The following SLC9C1 variants were observed in gnomAD, a reference collection of about 807,000 sequenced individuals.
SLC9C1 encodes the protein solute carrier family 9 member C1.
In SLC9C1, 97 loss-of-function variants were observed where a neutral mutation model predicts 140.9. The ratio of observed to expected loss-of-function variants is 0.69; its 90% CI spans 0.58 to 0.82. The LOEUF is 0.82. SLC9C1 is among the 40% of genes least tolerant of loss of function. The probability of loss-of-function intolerance (pLI) is 0.00; values close to 1 mark genes in which losing one functional copy is unlikely to be tolerated. For synonymous variants in SLC9C1, 440 were observed against 442.6 expected, an observed-to-expected ratio of 0.99 and a Z score of 0.07; for missense variants, 1,340 against 1,389.3, an observed-to-expected ratio of 0.96 and a Z score of 0.56.
intron 11 of SLC9C1, among the ~76,000 whole-genome samples, chr3:112,240,346 A>G (rs555849399): frequency 6.6e-6 from 1 of 152,358 alleles, no homozygotes; most frequent in East Asian, 1.9e-4. Context: ...GGAAACAAAG[A>G]AACAGAGGTA....
intron 28 of SLC9C1, among the ~76,000 whole-genome samples, chr3:112,148,310 T>G (rs994188323): frequency 2.0e-5 from 3 of 152,198 alleles, no homozygotes; most frequent in African/African-American, 7.2e-5. Flanking sequence ...AGTGAAATCC[T>G]TTAGTGGTGT....
chr3:112,208,035 T>TCAAAATTTAAATCAC (rs2078103941), intron 16 of SLC9C1, 143 bp downstream of exon 16: 2 of 575,580 alleles, frequency 3.5e-6, no homozygotes, highest in Non-Finnish European at 5.8e-6. Context: ...AAAATCACCT[T>TCAAAATTTAAATCAC]CAAAAATTAA....
At chr3:112,215,662 C>G (rs748197284) in intron 15 of SLC9C1, among the ~76,000 whole-genome samples, 41 of 152,206 alleles carry the variant, frequency 2.7e-4, no homozygotes, top group Non-Finnish European at 5.0e-4. Flanking sequence ...TGTGAAGGAC[C>G]TCTTCAAGAA....
chr3:112,285,898 C>T (rs1304502008), intron 2 of SLC9C1, among the ~76,000 whole-genome samples: 3 of 152,020 alleles, frequency 2.0e-5, no homozygotes, highest in Admixed American at 6.6e-5. Flanking sequence ...CCTGAGTAGG[C>T]GGGACTACTG....
At chr3:112,159,777 C>A (rs2075233862) in intron 26 of SLC9C1, among the ~76,000 whole-genome samples, 1 of 151,894 alleles carries the variant, frequency 6.6e-6, no homozygotes. Context: ...ATTGTTATAT[C>A]CTCTTGTTTA....
intron 12 of SLC9C1, among the ~76,000 whole-genome samples, chr3:112,235,624 C>T (rs1044369236): frequency 1.3e-5 from 2 of 151,908 alleles, no homozygotes; most frequent in Non-Finnish European, 2.9e-5. Flanking sequence ...TCATAGATAG[C>T]TCTTATTATT....
chr3:112,183,086 T>C (rs896895318), intron 20 of SLC9C1, among the ~76,000 whole-genome samples: 1 of 152,232 alleles, frequency 6.6e-6, no homozygotes, highest in East Asian at 1.9e-4. Context: ...GATGTACATA[T>C]TTCTATTGAG....
intron 28 of SLC9C1, among the ~76,000 whole-genome samples, chr3:112,144,174 CTTTT>C (rs138026716): frequency 1.4e-5 from 1 of 72,166 alleles, no homozygotes. Flanking sequence ...GATGCCCTGG[CTTTT>C]TTTTTTTTTT....
intron 17 of SLC9C1, among the ~76,000 whole-genome samples, 158 bp downstream of exon 17, chr3:112,204,060 T>C (rs2077977162): frequency 6.6e-6 from 1 of 152,002 alleles, no homozygotes; most frequent in Non-Finnish European, 1.5e-5. Flanking sequence ...TAATATGAAA[T>C]GTTATGAAAC....
chr3:112,262,514 G>A (rs2079802273), intron 10 of SLC9C1, among the ~76,000 whole-genome samples: 1 of 151,920 alleles, frequency 6.6e-6, no homozygotes, highest in Non-Finnish European at 1.5e-5. Context: ...GCTAAGCAGA[G>A]TTTGAGGGTA....
intron 10 of SLC9C1, among the ~76,000 whole-genome samples, chr3:112,254,554 T>C (rs776919519): frequency 5.3e-5 from 8 of 152,006 alleles, no homozygotes; most frequent in Non-Finnish European, 8.8e-5. Context: ...AAGGAGTTGG[T>C]TACCAACAGA....
intron 16 of SLC9C1, among the ~76,000 whole-genome samples, chr3:112,206,984 T>TA (rs1317039477): frequency 1.3e-5 from 2 of 152,158 alleles, no homozygotes; most frequent in African/African-American, 4.8e-5. Flanking sequence ...CCCTAGAACT[T>TA]AAAGTATAAT....
intron 23 of SLC9C1, among the ~76,000 whole-genome samples, chr3:112,173,971 C>G (rs1263946768): frequency 6.6e-6 from 1 of 152,152 alleles, no homozygotes; most frequent in Non-Finnish European, 1.5e-5. Flanking sequence ...TAATGATAGT[C>G]ATTCTGACTG....
chr3:112,156,934 A>T (rs1024822005), intron 26 of SLC9C1, among the ~76,000 whole-genome samples: 3 of 152,080 alleles, frequency 2.0e-5, no homozygotes, highest in Admixed American at 6.6e-5. Context: ...ACCATGTCAG[A>T]TGAATAGTTT....
chr3:112,209,533 T>C (rs1401725962), intron 15 of SLC9C1, among the ~76,000 whole-genome samples: 1 of 151,918 alleles, frequency 6.6e-6, no homozygotes, highest in African/African-American at 2.4e-5. Flanking sequence ...GAAATTCCAA[T>C]TGAAAAGGAA....
intron 8 of SLC9C1, among the ~76,000 whole-genome samples, chr3:112,264,619 G>T (rs2079868299): frequency 6.6e-6 from 1 of 151,920 alleles, no homozygotes; most frequent in Admixed American, 6.6e-5. Context: ...TATGGTTGCA[G>T]AATCGTGAGA....
At position 112,154,262 on chromosome 3, in the gene SLC9C1, G is replaced by A. The variant is rs548831715; in HGVS notation, c.3417+735C>T. On this transcript the variant is annotated intron_variant, in intron 27 of 28. Coordinates refer to ENST00000305815, the MANE Select transcript of SLC9C1 (RefSeq NM_183061.3). ...TCTTCTGGAGCAATATAAACAACTT[G>A]GCAGAGACTAAAACTAAAAATGAAC... is the stretch of plus-strand genomic sequence containing the variant. Among the ~76,000 whole-genome samples the A allele has an allele frequency of 2.6e-5, 4 of 152,128 alleles. No homozygotes were observed. In the South Asian group the frequency reaches 6.2e-4, roughly 24 times the overall value.
At chr3:112,149,738 G>A (rs1283544220) in intron 28 of SLC9C1, among the ~76,000 whole-genome samples, 2 of 152,036 alleles carry the variant, frequency 1.3e-5, no homozygotes, top group South Asian at 2.1e-4. Context: ...CATGGCTCAA[G>A]CTGCTGAACA....
chr3:112,173,259 T>G (rs2077277826), intron 23 of SLC9C1, among the ~76,000 whole-genome samples: 1 of 152,172 alleles, frequency 6.6e-6, no homozygotes, highest in South Asian at 2.1e-4. Flanking sequence ...TTAAGTAAAT[T>G]TTGACGTGTG....
Sources: gnomAD v4.1 joint callset for allele counts (sites outside exome capture counted in the v4.1 genomes callset) on GRCh38, gnomAD v4.1.1 for gene constraint, MANE v1.5 for transcripts, NCBI Gene and HGNC (gene_info 2026-07-23, HGNC 2026-07-21) for gene names.